SLC16A9: variants seen among roughly 807,000 people sequenced by gnomAD.
SLC16A9 encodes solute carrier family 16 member 9.
Under a neutral mutation model 44.3 loss-of-function variants are expected in SLC16A9, and 26 were observed. The ratio of observed to expected loss-of-function variants is 0.59; its 90% CI spans 0.43 to 0.81. The LOEUF is 0.81. Among genes scored for constraint, SLC16A9 ranks in the 40% least tolerant of loss-of-function variants. SLC16A9 has a pLI of 0.00. For synonymous variants in SLC16A9, 230 were observed against 225.1 expected (o/e 1.02, Z -0.19); for missense variants, 559 against 595.8 (o/e 0.94, Z 0.64).
In SLC16A9 at chr10:59,652,626, A is replaced by T. The variant is rs762261070; in HGVS notation, c.*146T>A. The stretch of plus-strand genomic sequence containing the variant: ...CACTACATAAAAAATAGGATATATA[A>T]AAAAAAATAATTCATTCAGAGTCAG... On this transcript the variant is annotated 3_prime_UTR_variant, in exon 6 of 6. Transcript: ENST00000395348. The T allele has an allele frequency of 7.0e-5, 49 of 700,756 alleles. No individual in the cohort carries two copies. Among genetic ancestry groups the T allele is most frequent in the Admixed American group, 2.1e-4 (6 of 28,992 alleles). 43.4% of individuals were successfully genotyped at this position (700,756 alleles called of 1,614,324 possible). A position where few individuals can be genotyped will look rare whatever the true frequency, so the allele number is the denominator to read the frequency against.
At position 59,699,368 on chromosome 10, in the gene SLC16A9, A is replaced by G. The variant is rs1186550239; in HGVS notation, c.-37+10111T>C. Among the ~76,000 whole-genome samples the G allele has an allele frequency of 2.6e-5, 4 of 151,882 alleles. No homozygotes were observed. The East Asian group carries it at 7.7e-4, about 29-fold the overall frequency. On this transcript the variant is annotated intron_variant, in intron 1 of 5. Transcript: ENST00000395348. Reference sequence around the variant, plus strand: ...CCACTTCTCTGTGTTTTCAATAACTACAGTCTCATACGAGTACACACACAG... The same window carrying G: ...CCACTTCTCTGTGTTTTCAATAACTGCAGTCTCATACGAGTACACACACAG...
rs527370105 is a variant in SLC16A9, at chr10:59,693,610, A to G, written c.-36-9283T>C. 1.3e-3 allele frequency among the ~76,000 whole-genome samples: 192 copies of G among 151,148 alleles called. 1 individual carries two copies. Among genetic ancestry groups the G allele is most frequent in the Non-Finnish European group, 2.5e-3 (171 of 67,780 alleles). On this transcript the variant is annotated intron_variant, in intron 1 of 5. Transcript: ENST00000395348. The stretch of plus-strand genomic sequence containing the variant: ...TGAACTCCAAATAATAATTTTATGT[A>G]TTATTTATTTATTTATTTATTTATT...
intron 1 of SLC16A9, among the ~76,000 whole-genome samples, chr10:59,691,905 T>C (rs1168681128): frequency 1.3e-5 from 2 of 152,228 alleles, no homozygotes; most frequent in South Asian, 2.1e-4. Context: ...ATATGCACTA[T>C]ACTAATTTTT....
At chr10:59,697,170 C>T (rs1403058469) in intron 1 of SLC16A9, among the ~76,000 whole-genome samples, 146 of 143,454 alleles carry the variant, frequency 1.0e-3, no homozygotes, top group African/African-American at 3.6e-3. Context: ...CGCCTCTGCC[C>T]GGCCGCCCCT....
At chr10:59,658,387 T>C (rs1554866846) in intron 4 of SLC16A9, among the ~76,000 whole-genome samples, 1 of 152,134 alleles carries the variant, frequency 6.6e-6, no homozygotes, top group Non-Finnish European at 1.5e-5. Context: ...AATTCAAATA[T>C]TTTAAAGAAT....
At chr10:59,673,367 A>G (rs545083115) in intron 2 of SLC16A9, among the ~76,000 whole-genome samples, 1 of 152,316 alleles carries the variant, frequency 6.6e-6, no homozygotes, top group Admixed American at 6.5e-5. Flanking sequence ...ATTGTTCTAC[A>G]TGTAAGTGGG....
At chr10:59,708,968 TGCGCTCCACGTAGGTCAGGA>T in intron 1 of SLC16A9, among the ~76,000 whole-genome samples, 1 of 152,342 alleles carries the variant, frequency 6.6e-6, no homozygotes, top group East Asian at 1.9e-4. Context: ...CCCTGCGCGC[TGCGCTCCACGTAGGTCAGGA>T]GTACCCGCGG....
intron 1 of SLC16A9, among the ~76,000 whole-genome samples, chr10:59,690,287 T>G (rs1840224427): frequency 6.6e-6 from 1 of 152,204 alleles, no homozygotes; most frequent in African/African-American, 2.4e-5. Context: ...CCAGAAGGCA[T>G]ATAAGGTATG....
In SLC16A9 at chr10:59,664,276, G is replaced by C; in HGVS notation, c.387C>G (p.Cys129Trp). Residue 129 changes from cysteine (C) to tryptophan (W), a missense_variant, in exon 4 of 6, where the codon TGC (cysteine) becomes TGG (tryptophan). Physicochemically the swap from Cys to Trp is radical, Grantham distance 215 (BLOSUM62 -2). Transcript: ENST00000395348. The part of the protein sequence containing the change: ...LLYTATVTIT[C>W]QYFDDRRGLA... ...GGCCTCGGCGATCGTCAAAATACTGGCACGTAATGGTCACTGTTGCAGTGT... is the reference window on the plus strand; with the variant it reads ...GGCCTCGGCGATCGTCAAAATACTGCCACGTAATGGTCACTGTTGCAGTGT... 6.2e-7 allele frequency: 1 copy of C among 1,612,466 alleles called. No homozygotes were observed. Among genetic ancestry groups the C allele is most frequent in the South Asian group, 1.1e-5 (1 of 90,902 alleles).
At chr10:59,667,728 A>T (rs1274006969) in intron 3 of SLC16A9, among the ~76,000 whole-genome samples, 1 of 152,208 alleles carries the variant, frequency 6.6e-6, no homozygotes, top group Non-Finnish European at 1.5e-5. Flanking sequence ...ACCAGTTTGG[A>T]TCAGACCCCT....
intron 1 of SLC16A9, among the ~76,000 whole-genome samples, chr10:59,692,567 C>A (rs1022446159): frequency 7.2e-5 from 11 of 152,162 alleles, no homozygotes; most frequent in African/African-American, 1.9e-4. Flanking sequence ...GAGTTATATA[C>A]CTCAATAAAG....
chr10:59,666,396 C>A (rs1839619167), intron 3 of SLC16A9, among the ~76,000 whole-genome samples: 1 of 152,012 alleles, frequency 6.6e-6, no homozygotes, highest in Admixed American at 6.6e-5. Flanking sequence ...AAAGAGAAGT[C>A]TGTGTACCTA....
chr10:59,709,109 C>T (rs1457425909), intron 1 of SLC16A9, among the ~76,000 whole-genome samples: 5 of 152,156 alleles, frequency 3.3e-5, no homozygotes, highest in Non-Finnish European at 5.9e-5. Flanking sequence ...TCACATGCAC[C>T]TCTCCCTGCT....
Position 59,678,540 on chromosome 10 carries a change from C to T in SLC16A9, c.196+5556G>A, listed in dbSNP as rs10826343. ...CTACCAATCTTTTTTTTTTCTTTTT[C>T]TTTTTCTTTTTTTTGAGACGGAGTC... On this transcript the variant is annotated intron_variant, in intron 2 of 5. Coordinates refer to ENST00000395348, the MANE Select transcript of SLC16A9 (RefSeq NM_194298.3). 5.7e-3 allele frequency among the ~76,000 whole-genome samples: 126 copies of T among 22,282 alleles called. 4 individuals carry two copies. Among genetic ancestry groups the T allele is most frequent in the African/African-American group, 9.0e-3 (93 of 10,338 alleles). 14.6% of individuals were successfully genotyped at this position (22,282 alleles called of 152,430 possible).
At chr10:59,674,481 T>C (rs938481606) in intron 2 of SLC16A9, among the ~76,000 whole-genome samples, 5 of 152,144 alleles carry the variant, frequency 3.3e-5, no homozygotes, top group African/African-American at 1.2e-4. Flanking sequence ...TACATTTGCA[T>C]GACAAATAGA....
intron 1 of SLC16A9, among the ~76,000 whole-genome samples, chr10:59,698,538 CTCTT>C (rs1281058503): frequency 1.3e-5 from 2 of 152,290 alleles, no homozygotes; most frequent in East Asian, 3.9e-4. Flanking sequence ...CTTGTTCTGT[CTCTT>C]TCCCATTGTC....
intron 3 of SLC16A9, among the ~76,000 whole-genome samples, chr10:59,668,165 A>G (rs1472505804): frequency 1.3e-5 from 2 of 151,976 alleles, no homozygotes; most frequent in East Asian, 3.9e-4. Flanking sequence ...GTTGTCATAT[A>G]GTTCTCATCA....
intron 1 of SLC16A9, among the ~76,000 whole-genome samples, chr10:59,692,149 G>A (rs1840266616): frequency 6.6e-6 from 1 of 152,198 alleles, no homozygotes; most frequent in Admixed American, 6.5e-5. Context: ...TGGTGCTGAA[G>A]CACTTTAAGA....
intron 1 of SLC16A9, among the ~76,000 whole-genome samples, chr10:59,688,407 A>G (rs2132506125): frequency 6.6e-6 from 1 of 152,294 alleles, no homozygotes; most frequent in East Asian, 1.9e-4. Flanking sequence ...AACTTTCAAC[A>G]TTTAATGATC....
Sources: allele counts gnomAD v4.1 joint callset (sites outside exome capture counted in the v4.1 genomes callset), GRCh38; gene constraint gnomAD v4.1.1; transcripts MANE v1.5; gene names NCBI Gene and HGNC (gene_info 2026-07-23, HGNC 2026-07-21).